Variants in STYK1 observed in about 807,000 individuals in gnomAD.
The protein encoded by STYK1 is tyrosine-protein kinase STYK1.
A neutral mutation model predicts 48.1 loss-of-function variants in STYK1; 46 were observed. That is an observed-to-expected ratio of 0.96 (90% CI 0.75 to 1.22). The LOEUF is 1.22. Ranked by LOEUF, STYK1 falls within the 50% of genes most tolerant of loss-of-function variation. The pLI is 0.00. For synonymous variants in STYK1, 188 were observed against 189.0 expected (o/e 0.99, Z 0.04); for missense variants, 527 against 521.1 (o/e 1.01, Z -0.11).
chr12:10,632,909 T>C (rs772897639), intron 4 of STYK1, among the ~76,000 whole-genome samples: 26 of 143,744 alleles, frequency 1.8e-4, no homozygotes, highest in Non-Finnish European at 2.8e-4. Context: ...TTTACTAAGA[T>C]AGGCAAGACT....
At chr12:10,644,462 C>A (rs1286819601) in intron 1 of STYK1, among the ~76,000 whole-genome samples, 1 of 152,172 alleles carries the variant, frequency 6.6e-6, no homozygotes, top group Non-Finnish European at 1.5e-5. Context: ...GTAATTGTTA[C>A]ATTGGATTCT....
intron 7 of STYK1, among the ~76,000 whole-genome samples, chr12:10,626,369 G>A (rs969070796): frequency 4.6e-5 from 7 of 152,092 alleles, no homozygotes; most frequent in African/African-American, 1.7e-4. Context: ...TATCAACGAG[G>A]CCATTCAAAC....
chr12:10,627,924 A>T lies in STYK1; in HGVS notation c.634-200T>A, dbSNP rs557549517. 2.6e-5 allele frequency among the ~76,000 whole-genome samples: 4 copies of T among 152,380 alleles called. No homozygotes were observed. In the South Asian group the frequency reaches 8.3e-4, roughly 32 times the overall value. ...GATCCATTGGACTGGAAAAACAATGACAGACATAGATGAATAGCAGGTAAG... is the reference window on the plus strand; with the variant it reads ...GATCCATTGGACTGGAAAAACAATGTCAGACATAGATGAATAGCAGGTAAG... On this transcript the variant is annotated intron_variant, in intron 6 of 10. Coordinates refer to ENST00000075503, the MANE Select transcript of STYK1 (RefSeq NM_018423.3).
chr12:10,643,862 C>T lies in STYK1; in HGVS notation c.-194-6666G>A, dbSNP rs540582390. Among the ~76,000 whole-genome samples, 6 of 151,998 alleles carry T rather than the reference C, an allele frequency of 3.9e-5. No individual in the cohort carries two copies. In the South Asian group the frequency reaches 1.0e-3, roughly 26 times the overall value. ...GAAGAGATGGCACTGTGCAGGTAGG[C>T]GAGAGGCAGATCATAATGAGCCTTT... On this transcript the variant is annotated intron_variant, in intron 1 of 10. Transcript: ENST00000075503.
intron 5 of STYK1, among the ~76,000 whole-genome samples, chr12:10,630,494 G>GA (rs1947414750): frequency 1.3e-5 from 2 of 149,534 alleles, no homozygotes; most frequent in Non-Finnish European, 3.0e-5. Context: ...CATCCATTGT[G>GA]AAAAAATCTG....
intron 10 of STYK1, 84 bp downstream of exon 10, chr12:10,621,792 T>G: frequency 8.0e-7 from 1 of 1,250,540 alleles, no homozygotes; most frequent in Non-Finnish European, 1.2e-6. Flanking sequence ...GAGGATCATC[T>G]GAGCCCTTTG....
intron 1 of STYK1, among the ~76,000 whole-genome samples, chr12:10,649,638 G>A (rs1947637810): frequency 6.6e-6 from 1 of 152,104 alleles, no homozygotes; most frequent in African/African-American, 2.4e-5. Flanking sequence ...AATGAATTAA[G>A]CCTTAGTTAT....
rs1016084863 is a variant in STYK1, at chr12:10,674,013, C to A, written c.-242G>T. On this transcript the variant is annotated 5_prime_UTR_variant, in exon 1 of 11. Coordinates refer to ENST00000075503, the MANE Select transcript of STYK1 (RefSeq NM_018423.3). ...CGGTTTCCGATGGCACCGGCCCAGT[C>A]GGAGGGGAAATAATGACAGGGTTGG... The A allele has an allele frequency of 1.3e-5, 2 of 152,230 alleles. No individual in the cohort carries two copies. Among genetic ancestry groups the A allele is most frequent in the African/African-American group, 2.4e-5 (1 of 41,436 alleles). 9.4% of individuals were successfully genotyped at this position (152,230 alleles called of 1,614,324 possible).
At chr12:10,620,424 C>G (rs752060406) in intron 10 of STYK1, 76 bp from the exon 11 acceptor site, 141 of 1,354,466 alleles carry the variant, frequency 1.0e-4, no homozygotes, top group Non-Finnish European at 1.3e-4. Flanking sequence ...TCCTCACAAA[C>G]TTTAACAAAC....
In STYK1 at chr12:10,647,811, G is replaced by A. The variant is rs529029462; in HGVS notation, c.-194-10615C>T. Among the ~76,000 whole-genome samples the A allele has an allele frequency of 3.3e-5, 5 of 152,186 alleles. No individual in the cohort carries two copies. The South Asian group carries it at 1.0e-3, about 32-fold the overall frequency. Reference sequence around the variant, plus strand: ...GTGAATAAGTCTCACGAGATCTGATGGTTTTATAAAGGGGAGTTTCCCTGC... The same window carrying A: ...GTGAATAAGTCTCACGAGATCTGATAGTTTTATAAAGGGGAGTTTCCCTGC... On this transcript the variant is annotated intron_variant, in intron 1 of 10. Coordinates refer to ENST00000075503, the MANE Select transcript of STYK1 (RefSeq NM_018423.3).
At chr12:10,670,339 T>C (rs534120819) in intron 1 of STYK1, among the ~76,000 whole-genome samples, 1 of 152,226 alleles carries the variant, frequency 6.6e-6, no homozygotes, top group South Asian at 2.1e-4. Flanking sequence ...TAAATGTCCA[T>C]CAATGGATAA....
chr12:10,626,740 C>T (rs1348520456), intron 7 of STYK1, among the ~76,000 whole-genome samples: 4 of 152,314 alleles, frequency 2.6e-5, no homozygotes, highest in African/African-American at 9.6e-5. Flanking sequence ...GGCACGGTGG[C>T]TCATGCCTGT....
At chr12:10,673,356 G>T (rs1947909906) in intron 1 of STYK1, among the ~76,000 whole-genome samples, 3 of 151,928 alleles carry the variant, frequency 2.0e-5, no homozygotes. Flanking sequence ...CAGCCTGAGT[G>T]ACAGAGCAAG....
rs1320369991 is a variant in STYK1 at position 10,647,648 on chromosome 12, C to T, written c.-194-10452G>A. On this transcript the variant is annotated intron_variant, in intron 1 of 10. Transcript: ENST00000075503. ...TTTTGAAATGTGAAGACATGAGATT[C>T]GGGAAGGGCCAGGAGTAAAATGATA... 2.0e-5 allele frequency among the ~76,000 whole-genome samples: 3 copies of T among 152,162 alleles called. No individual in the cohort carries two copies. In the East Asian group the frequency reaches 5.8e-4, roughly 29 times the overall value.
At chr12:10,671,585 C>G (rs1384952516) in intron 1 of STYK1, among the ~76,000 whole-genome samples, 1 of 152,156 alleles carries the variant, frequency 6.6e-6, no homozygotes. Context: ...TTAGAGCCTC[C>G]AAAAAGAACC....
Position 10,663,598 on chromosome 12 carries a change from C to CAAA in STYK1, c.-195+10365_-195+10367dup, listed in dbSNP as rs34019110. On this transcript the variant is annotated intron_variant, in intron 1 of 10. Transcript: ENST00000075503. ...TGGGCGACAGAACGAGACTCTGTCT[C>CAAA]AAAAAAAAAAAAAAAAAAAAAAAAA... 5.4e-4 allele frequency among the ~76,000 whole-genome samples: 28 copies of CAAA among 51,484 alleles called. 2 individuals carry two copies. Among genetic ancestry groups the CAAA allele is most frequent in the East Asian group, 7.3e-4 (1 of 1,374 alleles). The allele number at this position is 51,484 out of a possible 152,430, so 33.8% of individuals were successfully genotyped here. A position where few individuals can be genotyped will look rare whatever the true frequency, so the allele number is the denominator to read the frequency against.
chr12:10,647,843 C>T (rs1190492703), intron 1 of STYK1, among the ~76,000 whole-genome samples: 2 of 152,148 alleles, frequency 1.3e-5, no homozygotes, highest in African/African-American at 4.8e-5. Context: ...CTGCACAAGA[C>T]AGTTCTCTCT....
Position 10,627,651 on chromosome 12 carries a change from A to T in STYK1, c.707T>A (p.Leu236His), listed in dbSNP as rs780553680. The change falls in exon 7 of 11, where the codon CTT becomes CAT. Residue 236 changes from leucine (L) to histidine (H), a missense_variant. Transcript: ENST00000075503. ...GTTGCCTCATCTTACCAGCGCCAAA[A>T]GGACCTGCTTTCCGATGTGATATAC... ...KQVYHIGKQV[L>H]LALEFLQEKH... 3 of 1,613,422 alleles carry T rather than the reference A, an allele frequency of 1.9e-6. No homozygotes were observed. The highest frequency in any genetic ancestry group is 2.5e-6 in the Non-Finnish European group (3 of 1,179,746).
chr12:10,640,818 A>C (rs7302542), intron 1 of STYK1: 144,270 of 152,234 alleles, frequency 0.95, 68,825 homozygotes, highest in East Asian at 1. Flanking sequence ...TGTAGAGGAG[A>C]AAAGTGATTG....
Sources: gnomAD v4.1 joint callset for allele counts (sites outside exome capture counted in the v4.1 genomes callset) on GRCh38, gnomAD v4.1.1 for gene constraint, MANE v1.5 for transcripts, NCBI Gene and HGNC (gene_info 2026-07-23, HGNC 2026-07-21) for gene names.